Variants in WIPI1 observed in about 807,000 individuals in gnomAD.
The protein encoded by WIPI1 is WD repeat domain, phosphoinositide interacting 1.
A neutral mutation model predicts 55.3 loss-of-function variants in WIPI1; 45 were observed. That is an observed-to-expected ratio of 0.81 (90% CI 0.64 to 1.04). The LOEUF (loss-of-function observed/expected upper bound fraction) is 1.04, where lower values mean the gene tolerates loss of function less well. Among genes scored for constraint, WIPI1 ranks in the 50% least tolerant of loss-of-function variants. The pLI is 0.00. For synonymous variants in WIPI1, 195 were observed against 217.6 expected, an observed-to-expected ratio of 0.90 and a Z score of 0.92; for missense variants, 445 against 559.0, an observed-to-expected ratio of 0.80 and a Z score of 2.06.
Position 68,435,719 on chromosome 17 carries a change from G to A in WIPI1, c.529-7C>T. The stretch of plus-strand genomic sequence containing the variant: ...CAATAGTGCAGACTGTTTTCTGTTG[G>A]TGAAAAGGAAAAATGGATACAGATG... On this transcript the variant is annotated splice_region_variant and splice_polypyrimidine_tract_variant and intron_variant, in intron 5 of 12. Transcript: ENST00000262139. 1.2e-6 allele frequency: 2 copies of A among 1,614,026 alleles called. No individual in the cohort carries two copies. Among genetic ancestry groups the A allele is most frequent in the Non-Finnish European group, 8.5e-7 (1 of 1,179,888 alleles).
chr17:68,432,397 C>T (rs1207040239), intron 8 of WIPI1, among the ~76,000 whole-genome samples: 2 of 152,194 alleles, frequency 1.3e-5, no homozygotes, highest in Non-Finnish European at 2.9e-5. Flanking sequence ...AATCTTGGCA[C>T]CTCTCTTTCA....
At position 68,432,537 on chromosome 17, in the gene WIPI1, C is replaced by T. The variant is rs528356480; in HGVS notation, c.800+931G>A. On this transcript the variant is annotated intron_variant, in intron 8 of 12. Transcript: ENST00000262139. ...GTTGAGGCGGGTGGATCATGAGGTC[C>T]GCATGTGTCAGCATTGATAAGGTGC... 7.9e-5 allele frequency among the ~76,000 whole-genome samples: 12 copies of T among 152,120 alleles called. No individual in the cohort carries two copies. The South Asian group carries it at 1.0e-3, about 13-fold the overall frequency.
rs964502113 is a variant in WIPI1, at chr17:68,436,422, A to C, written c.488T>G (p.Leu163Arg). The C allele has an allele frequency of 1.2e-6, 2 of 1,614,074 alleles. No individual in the cohort carries two copies. Among genetic ancestry groups the C allele is most frequent in the Admixed American group, 3.3e-5 (2 of 60,018 alleles). ...ATAAAGCACAATCTCCCCTGAAGTC[A>C]GGCTTCCAGGATAGGCCAGGTAAGA... ...SNSYLAYPGS[L>R]TSGEIVLYDG... Residue 163 changes from leucine to arginine, a missense_variant, in exon 5 of 13, where the codon CTG (leucine) becomes CGG (arginine). Transcript: ENST00000262139.
At position 68,441,634 on chromosome 17, in the gene WIPI1, G is replaced by T. The variant is rs1440304146; in HGVS notation, c.430+2859C>A. Among the ~76,000 whole-genome samples the T allele has an allele frequency of 5.3e-5, 8 of 152,190 alleles. No individual in the cohort carries two copies. The East Asian group carries it at 1.5e-3, about 29-fold the overall frequency. On this transcript the variant is annotated intron_variant, in intron 4 of 12. Coordinates refer to ENST00000262139, the MANE Select transcript of WIPI1 (RefSeq NM_017983.7). ...GAAGCGCAGCTCTGACCTGTGCAAG[G>T]CTGTCCTATGGGACAGAGAGGGCTG...
At chr17:68,435,858 G>T in intron 5 of WIPI1, 146 bp from the exon 6 acceptor site, 1 of 713,942 alleles carries the variant, frequency 1.4e-6, no homozygotes, top group Non-Finnish European at 2.4e-6. Context: ...CTGCATGTAA[G>T]CTGTGTGTCA....
In WIPI1 at chr17:68,421,596, AG is replaced by A. The variant is rs2082778537; in HGVS notation, c.*176del. On this transcript the variant is annotated 3_prime_UTR_variant, in exon 13 of 13. Coordinates refer to ENST00000262139, the MANE Select transcript of WIPI1 (RefSeq NM_017983.7). Reference sequence around the variant, plus strand: ...ATGTCTCCCGCGCCCATTGGCAACCAGGGTCGTGGGAAGCTTGGTGAGGAGT... The same window carrying A: ...ATGTCTCCCGCGCCCATTGGCAACCAGGTCGTGGGAAGCTTGGTGAGGAGT... The A allele has an allele frequency of 5.1e-6, 4 of 777,750 alleles. No individual in the cohort carries two copies. In the East Asian group the frequency reaches 1.0e-4, roughly 20 times the overall value. 48.2% of individuals were successfully genotyped at this position (777,750 alleles called of 1,614,324 possible). A position where few individuals can be genotyped will look rare whatever the true frequency, so the allele number is the denominator to read the frequency against.
chr17:68,424,171 G>A (rs894705937), intron 12 of WIPI1, among the ~76,000 whole-genome samples: 1 of 152,202 alleles, frequency 6.6e-6, no homozygotes, highest in Admixed American at 6.5e-5. Context: ...AGGTTTTGAA[G>A]TTTATAATTA....
intron 1 of WIPI1, among the ~76,000 whole-genome samples, chr17:68,453,781 C>A (rs2084579407): frequency 6.6e-6 from 1 of 152,100 alleles, no homozygotes; most frequent in South Asian, 2.1e-4. Flanking sequence ...CTAAGAAATA[C>A]ACTTTCAAAG....
At chr17:68,430,391 G>A (rs1354508697) in intron 8 of WIPI1, among the ~76,000 whole-genome samples, 1 of 152,160 alleles carries the variant, frequency 6.6e-6, no homozygotes, top group Non-Finnish European at 1.5e-5. Context: ...GCTGTTAAAA[G>A]GTTCCCAATG....
intron 12 of WIPI1, among the ~76,000 whole-genome samples, chr17:68,425,157 G>T (rs1221441242): frequency 6.6e-6 from 1 of 152,186 alleles, no homozygotes; most frequent in Non-Finnish European, 1.5e-5. Flanking sequence ...AAAGGTGCTC[G>T]GGCAAGCTCC....
intron 4 of WIPI1, among the ~76,000 whole-genome samples, chr17:68,442,739 A>G (rs1431528539): frequency 6.6e-6 from 1 of 152,216 alleles, no homozygotes; most frequent in Non-Finnish European, 1.5e-5. Context: ...CCTGATCAGA[A>G]GAGCACATGC....
In WIPI1 at chr17:68,421,654, A is replaced by C. The variant is rs2082781493; in HGVS notation, c.*119T>G. The stretch of plus-strand genomic sequence containing the variant: ...GGTCCTGTGGTTTAAGCAGTGGAGC[A>C]CCCGGGATTCCTGCCCCCCTTTCTG... On this transcript the variant is annotated 3_prime_UTR_variant, in exon 13 of 13. Transcript: ENST00000262139. 15 of 1,395,126 alleles carry C rather than the reference A, an allele frequency of 1.1e-5. No individual in the cohort carries two copies. Among genetic ancestry groups the C allele is most frequent in the East Asian group, 2.3e-5 (1 of 43,610 alleles). 86.4% of individuals were successfully genotyped at this position (1,395,126 alleles called of 1,614,324 possible).
intron 9 of WIPI1, among the ~76,000 whole-genome samples, chr17:68,429,455 G>GT (rs1269538818): frequency 6.6e-6 from 1 of 152,152 alleles, no homozygotes; most frequent in Non-Finnish European, 1.5e-5. Flanking sequence ...AATAAGAATT[G>GT]TTTTTAAGAC....
At chr17:68,433,777 T>TTTTGTTTTTTTG (rs1568633025) in intron 7 of WIPI1, among the ~76,000 whole-genome samples, 1 of 63,616 alleles carries the variant, frequency 1.6e-5, no homozygotes, top group African/African-American at 4.9e-5. Context: ...TTTTTTTTTT[T>TTTTGTTTTTTTG]TTTTTTTTTT....
chr17:68,452,906 T>C lies in WIPI1; in HGVS notation c.163+4A>G, dbSNP rs1355694967. ...TCCCTGAGGTCTCTCTCACACACACTTACTGCTTCCGTGGACTTGATCCAG... is the reference window on the plus strand; with the variant it reads ...TCCCTGAGGTCTCTCTCACACACACCTACTGCTTCCGTGGACTTGATCCAG... On this transcript the variant is annotated splice_donor_region_variant and intron_variant, in intron 2 of 12. Transcript: ENST00000262139. 3 of 1,613,374 alleles carry C rather than the reference T, an allele frequency of 1.9e-6. No individual in the cohort carries two copies. The highest frequency in any genetic ancestry group is 1.7e-6 in the Non-Finnish European group (2 of 1,179,882).
rs1014894342 is a variant in WIPI1, at chr17:68,430,176, C to T, written c.801-16G>A. On this transcript the variant is annotated splice_polypyrimidine_tract_variant and intron_variant, in intron 8 of 12. Coordinates refer to ENST00000262139, the MANE Select transcript of WIPI1 (RefSeq NM_017983.7). ...TTCTGGTCGACTAGGGAGTAATGCACAGGCAACGATGGGACTGGGCTGCAG... is the reference window on the plus strand; with the variant it reads ...TTCTGGTCGACTAGGGAGTAATGCATAGGCAACGATGGGACTGGGCTGCAG... 1.9e-6 allele frequency: 3 copies of T among 1,605,786 alleles called. No individual in the cohort carries two copies. In the African/African-American group the frequency reaches 4.0e-5, roughly 22 times the overall value.
At chr17:68,431,296 T>C (rs1016015323) in intron 8 of WIPI1, among the ~76,000 whole-genome samples, 2 of 152,048 alleles carry the variant, frequency 1.3e-5, no homozygotes, top group Non-Finnish European at 2.9e-5. Context: ...ATTTCCTCAT[T>C]TGGGAAACAG....
intron 12 of WIPI1, among the ~76,000 whole-genome samples, chr17:68,425,062 T>C (rs59133474): frequency 0.38 from 57,616 of 152,080 alleles, 12,459 homozygotes; most frequent in Admixed American, 0.53. Flanking sequence ...TTCCAGGTGA[T>C]GGAAGAAGCC....
At chr17:68,448,084 G>A (rs2084357187) in intron 3 of WIPI1, among the ~76,000 whole-genome samples, 1 of 151,734 alleles carries the variant, frequency 6.6e-6, no homozygotes, top group African/African-American at 2.4e-5. Context: ...AAGAAACTGT[G>A]CTGTCTGAAG....
Sources: gnomAD v4.1 joint callset for allele counts (sites outside exome capture counted in the v4.1 genomes callset) on GRCh38, gnomAD v4.1.1 for gene constraint, MANE v1.5 for transcripts, NCBI Gene and HGNC (gene_info 2026-07-23, HGNC 2026-07-21) for gene names.